ARSB: variants seen among roughly 807,000 people sequenced by gnomAD.
ARSB encodes the protein arylsulfatase B.
In ARSB, 41 loss-of-function variants were observed where a neutral mutation model predicts 50.9. That is an observed-to-expected ratio of 0.81 (90% CI 0.63 to 1.04). The LOEUF (loss-of-function observed/expected upper bound fraction) is 1.04. Among genes scored for constraint, ARSB ranks in the 50% least tolerant of loss-of-function variants. The probability of loss-of-function intolerance (pLI) is 0.00; values close to 1 mark genes in which losing one functional copy is unlikely to be tolerated. For missense variants in ARSB, 672 were observed against 693.3 expected (o/e 0.97, Z 0.35); for synonymous variants, 269 against 284.8 (o/e 0.94, Z 0.56).
intron 6 of ARSB, among the ~76,000 whole-genome samples, chr5:78,794,134 T>C (rs1282401022): frequency 2.6e-5 from 4 of 152,176 alleles, no homozygotes; most frequent in Non-Finnish European, 5.9e-5. Context: ...ATCAATCTCA[T>C]CCTGTAGGAG....
intron 6 of ARSB, among the ~76,000 whole-genome samples, chr5:78,799,921 AC>A (rs1464521435): frequency 6.6e-6 from 1 of 152,194 alleles, no homozygotes; most frequent in Non-Finnish European, 1.5e-5. Flanking sequence ...CTTGCGACCA[AC>A]CTCTTTCTTG....
rs541278624 is a variant in ARSB at position 78,976,278 on chromosome 5, C to CTT, written c.313-7088_313-7087dup. On this transcript the variant is annotated intron_variant, in intron 1 of 7. Transcript: ENST00000264914. ...TGGAGATGATTTTAAAAACAGGCTACTTTTTTTTTTTTTTTTTTTTTTTTT... is the reference window on the plus strand; with the variant it reads ...TGGAGATGATTTTAAAAACAGGCTACTTTTTTTTTTTTTTTTTTTTTTTTTTT... 1.2e-3 allele frequency among the ~76,000 whole-genome samples: 96 copies of CTT among 76,908 alleles called. 5 individuals carry two copies. Among genetic ancestry groups the CTT allele is most frequent in the South Asian group, 1.8e-3 (3 of 1,696 alleles). 50.5% of individuals were successfully genotyped at this position (76,908 alleles called of 152,430 possible).
At chr5:78,799,139 G>A (rs1235394160) in intron 6 of ARSB, among the ~76,000 whole-genome samples, 4 of 152,294 alleles carry the variant, frequency 2.6e-5, no homozygotes, top group African/African-American at 7.2e-5. Context: ...AAGCAAAGAC[G>A]GTTTCTTAGC....
chr5:78,795,062 C>T (rs947524595), intron 6 of ARSB, among the ~76,000 whole-genome samples: 56 of 152,156 alleles, frequency 3.7e-4, no homozygotes, highest in African/African-American at 1.3e-3. Context: ...TGAGATAGTA[C>T]ATTGAAAGCC....
intron 1 of ARSB, among the ~76,000 whole-genome samples, chr5:78,974,838 T>G (rs564086344): frequency 9.2e-5 from 14 of 152,202 alleles, no homozygotes; most frequent in Non-Finnish European, 2.1e-4. Context: ...ACACCTGGCT[T>G]TAGCAAACCC....
intron 4 of ARSB, among the ~76,000 whole-genome samples, chr5:78,944,599 G>C (rs1300280350): frequency 2.6e-5 from 4 of 152,166 alleles, no homozygotes; most frequent in Non-Finnish European, 4.4e-5. Context: ...AGCGGATATT[G>C]GTGAACAGCA....
At chr5:78,880,912 A>G (rs899495561) in intron 5 of ARSB, among the ~76,000 whole-genome samples, 3 of 152,202 alleles carry the variant, frequency 2.0e-5, no homozygotes, top group African/African-American at 7.2e-5. Flanking sequence ...CTGACCTCAC[A>G]TAACACGCAC....
intron 4 of ARSB, among the ~76,000 whole-genome samples, chr5:78,928,305 C>CTTTTTTTTTTTTTTT (rs34737292): frequency 1.4e-5 from 1 of 72,574 alleles, no homozygotes; most frequent in African/African-American, 5.0e-5. Context: ...TTTGCTTTTG[C>CTTTTTTTTTTTTTTT]TTTTTTTTTT....
Position 78,841,286 on chromosome 5 carries a change from C to T in ARSB, c.1143-1860G>A, listed in dbSNP as rs376378447. Among the ~76,000 whole-genome samples, 371 of 152,196 alleles carry T rather than the reference C, an allele frequency of 2.4e-3. 16 individuals are homozygous for T. The South Asian group carries it at 0.074, about 30-fold the overall frequency. On this transcript the variant is annotated intron_variant, in intron 5 of 7. Coordinates refer to ENST00000264914, the MANE Select transcript of ARSB (RefSeq NM_000046.5). ...TCAAGGCTGTAGTGAGCTATGATCA[C>T]ACCACTGCACTCCAGCCTAGATGAC... is the stretch of plus-strand genomic sequence containing the variant.
At chr5:78,896,808 A>G (rs970117913) in intron 4 of ARSB, among the ~76,000 whole-genome samples, 1 of 152,200 alleles carries the variant, frequency 6.6e-6, no homozygotes, top group Non-Finnish European at 1.5e-5. Flanking sequence ...TTCATAACAA[A>G]TATTTTGTGA....
chr5:78,948,132 G>A (rs1236125778), intron 4 of ARSB, among the ~76,000 whole-genome samples: 1 of 152,114 alleles, frequency 6.6e-6, no homozygotes, highest in Non-Finnish European at 1.5e-5. Context: ...ACTAGAGGCT[G>A]GAAAGGGTAG....
At chr5:78,857,681 A>G (rs572429333) in intron 5 of ARSB, among the ~76,000 whole-genome samples, 28 of 152,308 alleles carry the variant, frequency 1.8e-4, no homozygotes, top group Non-Finnish European at 2.4e-4. Flanking sequence ...CCACCGTACA[A>G]TGTTTACCCC....
chr5:78,905,145 G>C (rs1390619104), intron 4 of ARSB, among the ~76,000 whole-genome samples: 1 of 151,952 alleles, frequency 6.6e-6, no homozygotes, highest in Non-Finnish European at 1.5e-5. Context: ...CATTTGTTTG[G>C]CTTTAGTTTC....
At chr5:78,866,824 C>T (rs1306471488) in intron 5 of ARSB, among the ~76,000 whole-genome samples, 2 of 152,188 alleles carry the variant, frequency 1.3e-5, no homozygotes, top group Non-Finnish European at 2.9e-5. Context: ...GCCAAGATGG[C>T]CGAATAGGGA....
intron 5 of ARSB, among the ~76,000 whole-genome samples, chr5:78,863,654 G>A (rs1486840014): frequency 1.3e-5 from 2 of 151,988 alleles, no homozygotes; most frequent in East Asian, 3.9e-4. Flanking sequence ...AATACCTATT[G>A]TAAATGATGT....
intron 4 of ARSB, among the ~76,000 whole-genome samples, chr5:78,933,030 T>C (rs1282611300): frequency 2.0e-5 from 3 of 152,204 alleles, no homozygotes; most frequent in Non-Finnish European, 4.4e-5. Flanking sequence ...TCTTACACTA[T>C]TAGCAAGTGG....
chr5:78,957,728 G>A (rs1367401979), intron 3 of ARSB, among the ~76,000 whole-genome samples: 1 of 152,098 alleles, frequency 6.6e-6, no homozygotes, highest in Non-Finnish European at 1.5e-5. Context: ...AGACCATGGT[G>A]CAGGACATCC....
chr5:78,962,579 G>A (rs1752038860), intron 3 of ARSB, among the ~76,000 whole-genome samples: 1 of 141,246 alleles, frequency 7.1e-6, no homozygotes, highest in African/African-American at 2.7e-5. Context: ...CCAGGCTGGA[G>A]TGTAGTGGTG....
At chr5:78,895,574 G>A (rs773099058) in intron 4 of ARSB, among the ~76,000 whole-genome samples, 19 of 152,180 alleles carry the variant, frequency 1.2e-4, no homozygotes, top group Non-Finnish European at 2.1e-4. Context: ...ATAAGCACAT[G>A]AAAACTTTCA....
Sources: gnomAD v4.1 joint callset for allele counts (sites outside exome capture counted in the v4.1 genomes callset) on GRCh38, gnomAD v4.1.1 for gene constraint, MANE v1.5 for transcripts, NCBI Gene and HGNC (gene_info 2026-07-23, HGNC 2026-07-21) for gene names.